TMEFF2: variants seen among roughly 807,000 people sequenced by gnomAD.
TMEFF2 encodes the protein transmembrane protein with EGF like and two follistatin like domains 2.
TMEFF2 carries 28 observed loss-of-function variants against 53.8 expected under a neutral mutation model. That is an observed-to-expected ratio of 0.52 (90% CI 0.39 to 0.71). The LOEUF (loss-of-function observed/expected upper bound fraction) is 0.71. Ranked by LOEUF, TMEFF2 falls within the 30% of genes least tolerant of loss-of-function variation. TMEFF2 has a pLI of 0.00. For synonymous variants in TMEFF2, 162 were observed against 166.3 expected, an observed-to-expected ratio of 0.97 and a Z score of 0.20; for missense variants, 353 against 455.2, an observed-to-expected ratio of 0.78 and a Z score of 2.04.
intron 4 of TMEFF2, among the ~76,000 whole-genome samples, chr2:192,069,032 G>A (rs533363318): frequency 6.0e-5 from 9 of 150,950 alleles, no homozygotes; most frequent in East Asian, 2.0e-4. Flanking sequence ...TGGCAAAAAC[G>A]GAATTCAGTG....
intron 7 of TMEFF2, among the ~76,000 whole-genome samples, chr2:191,967,036 GAAA>G (rs57878864): frequency 4.2e-5 from 6 of 141,296 alleles, no homozygotes; most frequent in Admixed American, 7.1e-5. Context: ...GAACTTCTGA[GAAA>G]AAAAAAAAGG....
At chr2:192,192,290 G>GTTTTTTT (rs141481827) in intron 1 of TMEFF2, among the ~76,000 whole-genome samples, 1 of 148,580 alleles carries the variant, frequency 6.7e-6, no homozygotes, top group Non-Finnish European at 1.5e-5. Context: ...TTTGCTTCCT[G>GTTTTTTT]TTTTTTTTTT....
At chr2:192,087,524 G>A (rs1213840799) in intron 4 of TMEFF2, among the ~76,000 whole-genome samples, 4 of 152,060 alleles carry the variant, frequency 2.6e-5, no homozygotes, top group Admixed American at 1.3e-4. Context: ...GAGACAGCCC[G>A]TCAAATCTTT....
At chr2:192,109,887 C>A (rs550336102) in intron 4 of TMEFF2, among the ~76,000 whole-genome samples, 2 of 151,976 alleles carry the variant, frequency 1.3e-5, no homozygotes, top group Admixed American at 1.3e-4. Context: ...AAGTCTGAAC[C>A]TCAGAGAATT....
rs1383604656 is a variant in TMEFF2 at position 191,983,403 on chromosome 2, T to TC, written c.745+14858_745+14859insG. Among the ~76,000 whole-genome samples, 3 of 151,640 alleles carry TC rather than the reference T, an allele frequency of 2.0e-5. No individual in the cohort carries two copies. The East Asian group carries it at 5.8e-4, about 29-fold the overall frequency. On this transcript the variant is annotated intron_variant, in intron 7 of 9. Coordinates refer to ENST00000272771, the MANE Select transcript of TMEFF2 (RefSeq NM_016192.4). ...GATGCATCTTAGCCTTTTTTTTTTT[T>TC]TCTCCTGGGGCAAAAAGGGATATGA...
chr2:191,998,998 C>T (rs1686290450), intron 6 of TMEFF2, 62 bp downstream of exon 6: 1 of 1,527,244 alleles, frequency 6.5e-7, no homozygotes, highest in East Asian at 2.3e-5. Flanking sequence ...GTTTTCTTCA[C>T]TTTTCATTTT....
intron 4 of TMEFF2, among the ~76,000 whole-genome samples, chr2:192,146,568 GA>G (rs1286257929): frequency 6.6e-6 from 1 of 151,944 alleles, no homozygotes; most frequent in Non-Finnish European, 1.5e-5. Context: ...CTACATTTCT[GA>G]TTCATTGAGA....
intron 2 of TMEFF2, among the ~76,000 whole-genome samples, chr2:192,188,481 T>C (rs1191980329): frequency 6.6e-6 from 1 of 152,188 alleles, no homozygotes; most frequent in Non-Finnish European, 1.5e-5. Flanking sequence ...CACCATCAGC[T>C]AATGCCAAAG....
At chr2:192,065,953 T>C (rs1688159991) in intron 4 of TMEFF2, among the ~76,000 whole-genome samples, 1 of 151,776 alleles carries the variant, frequency 6.6e-6, no homozygotes, top group Non-Finnish European at 1.5e-5. Flanking sequence ...GAGTAAGTTG[T>C]ATTTAAATGA....
intron 2 of TMEFF2, among the ~76,000 whole-genome samples, chr2:192,189,900 G>A (rs539684977): frequency 6.6e-6 from 1 of 152,232 alleles, no homozygotes; most frequent in South Asian, 2.1e-4. Flanking sequence ...CTATTGCAAA[G>A]CACAAACTAA....
At chr2:192,166,216 T>C (rs1438586977) in intron 4 of TMEFF2, among the ~76,000 whole-genome samples, 1 of 152,202 alleles carries the variant, frequency 6.6e-6, no homozygotes, top group African/African-American at 2.4e-5. Flanking sequence ...TTCCGTTTTA[T>C]GCTTCTTACT....
chr2:192,012,953 A>T (rs1470283164), intron 5 of TMEFF2, among the ~76,000 whole-genome samples: 2 of 152,156 alleles, frequency 1.3e-5, no homozygotes. Context: ...CTCAGGATAT[A>T]AAAAACAGCA....
intron 7 of TMEFF2, among the ~76,000 whole-genome samples, chr2:191,957,572 A>T (rs1288812688): frequency 1.3e-5 from 2 of 152,256 alleles, no homozygotes; most frequent in Admixed American, 1.3e-4. Flanking sequence ...TCTATTATTT[A>T]TGATTAAACA....
Position 192,057,662 on chromosome 2 carries a change from TA to T in TMEFF2, c.536+16del. ...ACTGTCATTATTTTGTCTAAAAGAA[TA>T]AAAACAGCATATTACCAGACATCCT... On this transcript the variant is annotated intron_variant, in intron 5 of 9. Transcript: ENST00000272771. 6.2e-7 allele frequency: 1 copy of T among 1,605,864 alleles called. No individual in the cohort carries two copies. The highest frequency in any genetic ancestry group is 8.5e-7 in the Non-Finnish European group (1 of 1,172,620).
chr2:192,055,839 A>G (rs927143026), intron 5 of TMEFF2, among the ~76,000 whole-genome samples: 21 of 151,240 alleles, frequency 1.4e-4, no homozygotes, highest in Non-Finnish European at 7.4e-5. Context: ...AAAAACATAC[A>G]TTTGTTTACC....
chr2:192,117,030 T>G (rs1460455010), intron 4 of TMEFF2, among the ~76,000 whole-genome samples: 1 of 152,172 alleles, frequency 6.6e-6, no homozygotes, highest in Non-Finnish European at 1.5e-5. Context: ...AGTACTGCTG[T>G]ATATATTTTC....
chr2:192,057,542 AT>A (rs149272434), intron 5 of TMEFF2, 136 bp downstream of exon 5: 1,793 of 689,720 alleles, frequency 2.6e-3, no homozygotes, highest in Non-Finnish European at 2.9e-3. Flanking sequence ...CCTTGCCCTC[AT>A]TTTTTTTTTC....
At chr2:192,075,288 TATATATATATATATATATA>T (rs1688385594) in intron 4 of TMEFF2, among the ~76,000 whole-genome samples, 1 of 5,636 alleles carries the variant, frequency 1.8e-4, no homozygotes, top group African/African-American at 4.2e-4. Flanking sequence ...AGTACTATTA[TATATATATATATATATATA>T]TATATATATA....
intron 4 of TMEFF2, among the ~76,000 whole-genome samples, chr2:192,139,364 A>G (rs1220823932): frequency 6.6e-6 from 1 of 152,196 alleles, no homozygotes; most frequent in Non-Finnish European, 1.5e-5. Flanking sequence ...CCACTGGGAA[A>G]ATTATTTTCA....
Sources: allele counts gnomAD v4.1 joint callset (sites outside exome capture counted in the v4.1 genomes callset), GRCh38; gene constraint gnomAD v4.1.1; transcripts MANE v1.5; gene names NCBI Gene and HGNC (gene_info 2026-07-23, HGNC 2026-07-21).